The following SNX31 variants were observed in gnomAD, a reference collection of about 807,000 sequenced individuals.
SNX31 encodes sorting nexin 31.
In SNX31, 58 loss-of-function variants were observed where a neutral mutation model predicts 65.4. That is an observed-to-expected ratio of 0.89 (90% CI 0.72 to 1.10). The LOEUF (loss-of-function observed/expected upper bound fraction) is 1.10, where lower values mean the gene tolerates loss of function less well. Ranked by LOEUF, SNX31 falls within the 50% of genes least tolerant of loss-of-function variation. The probability of loss-of-function intolerance (pLI) is 0.00; values close to 1 mark genes in which losing one functional copy is unlikely to be tolerated. For synonymous variants in SNX31, 181 were observed against 190.1 expected, an observed-to-expected ratio of 0.95 and a Z score of 0.39; for missense variants, 523 against 529.7, an observed-to-expected ratio of 0.99 and a Z score of 0.12.
chr8:100,652,935 G>A (rs1820000047), upstream of SNX31, among the ~76,000 whole-genome samples: 1 of 152,188 alleles, frequency 6.6e-6, no homozygotes, highest in African/African-American at 2.4e-5. Context: ...AACAGTCAAG[G>A]CTGTGGCCAT....
At position 100,635,879 on chromosome 8, in the gene SNX31, A is replaced by T; in HGVS notation, c.256+18T>A. 6.3e-7 allele frequency: 1 copy of T among 1,575,570 alleles called. No homozygotes were observed. The highest frequency in any genetic ancestry group is 8.7e-7 in the Non-Finnish European group (1 of 1,146,122). On this transcript the variant is annotated intron_variant, in intron 3 of 13. Transcript: ENST00000311812. ...ATTGCAATAAATCTGTTTTTTAAAA[A>T]ACCCTGCAAATACATACCATTTTGC...
At chr8:100,633,450 C>A (rs912145554) in intron 3 of SNX31, among the ~76,000 whole-genome samples, 3 of 152,072 alleles carry the variant, frequency 2.0e-5, no homozygotes, top group Non-Finnish European at 4.4e-5. Context: ...ACTGCCCAGG[C>A]TGGAGTGCAA....
chr8:100,641,595 T>TACAC (rs1554587422), intron 2 of SNX31, among the ~76,000 whole-genome samples: 34 of 22,056 alleles, frequency 1.5e-3, no homozygotes, highest in African/African-American at 0.011. Context: ...TATATATATA[T>TACAC]ACACATACAC....
chr8:100,621,100 C>T (rs919743872), intron 4 of SNX31, among the ~76,000 whole-genome samples: 5 of 152,078 alleles, frequency 3.3e-5, no homozygotes, highest in Non-Finnish European at 5.9e-5. Context: ...GCTGAGATTG[C>T]ACCACTGCAC....
At chr8:100,585,109 T>C (rs1813923082) in intron 11 of SNX31, among the ~76,000 whole-genome samples, 1 of 152,212 alleles carries the variant, frequency 6.6e-6, no homozygotes, top group Non-Finnish European at 1.5e-5. Flanking sequence ...AAATCATCAT[T>C]AGTGCCAAGA....
Position 100,613,581 on chromosome 8 carries a change from C to T in SNX31, c.433-496G>A, listed in dbSNP as rs1267979228. ...TACTGCCCACCTTTGACACGCCAGGCCTGCTTCGCCTTGATGTTTCCTGCG... is the reference window on the plus strand; with the variant it reads ...TACTGCCCACCTTTGACACGCCAGGTCTGCTTCGCCTTGATGTTTCCTGCG... On this transcript the variant is annotated intron_variant, in intron 5 of 13. Coordinates refer to ENST00000311812, the MANE Select transcript of SNX31 (RefSeq NM_152628.4). The surrounding 1 kb of genome is among the most constrained non-coding windows in gnomAD (Gnocchi z 5.2). Among the ~76,000 whole-genome samples, 1 of 152,190 alleles carries T rather than the reference C, an allele frequency of 6.6e-6. No homozygotes were observed. Among genetic ancestry groups the T allele is most frequent in the East Asian group, 1.9e-4 (1 of 5,196 alleles).
rs948408715 is a variant in SNX31 at position 100,588,726 on chromosome 8, T to C, written c.1092+140A>G. ...ACAAAACATAAAACAAAATAAAAGG[T>C]ATTACGGTCCCGAACGAGAGTGCAT... On this transcript the variant is annotated intron_variant, in intron 11 of 13. Transcript: ENST00000311812. This position sits in a 1 kb window ranked among gnomAD's most constrained non-coding sequence, Gnocchi z 4.8. 2.2e-5 allele frequency: 11 copies of C among 495,442 alleles called. No individual in the cohort carries two copies. The highest frequency in any genetic ancestry group is 2.0e-4 in the African/African-American group (10 of 50,466). 30.7% of individuals were successfully genotyped at this position (495,442 alleles called of 1,614,324 possible).
rs35312071 is a variant in SNX31, at chr8:100,612,484, C to CA, written c.524-398dup. Among the ~76,000 whole-genome samples, 110 of 145,576 alleles carry CA rather than the reference C, an allele frequency of 7.6e-4. 1 individual carries two copies. The highest frequency in any genetic ancestry group is 4.8e-3 in the East Asian group (23 of 4,820). ...CTTTAATATAACTGATACCATTTTA[C>CA]AAAAAAAAAAAACTTGTAATATCTA... On this transcript the variant is annotated intron_variant, in intron 6 of 13. Coordinates refer to ENST00000311812, the MANE Select transcript of SNX31 (RefSeq NM_152628.4). The surrounding 1 kb of genome is among the most constrained non-coding windows in gnomAD (Gnocchi z 4.3).
In SNX31 at chr8:100,659,353, CAAAAAAAAAA is replaced by C. The variant is rs148671568; in HGVS notation, c.-58+3779_-58+3788del. On this transcript the variant is annotated intron_variant, in intron 1 of 5. Coordinates refer to the SNX31 transcript ENST00000520352. The stretch of plus-strand genomic sequence containing the variant: ...TGGGCGACAGAGCAAAACTCCATCA[CAAAAAAAAAA>C]AAAAAAAAAAAAAAGCGTGGGGGGA... Among the ~76,000 whole-genome samples, 387 of 71,470 alleles carry C rather than the reference CAAAAAAAAAA, an allele frequency of 5.4e-3. 7 individuals carry two copies. The East Asian group carries it at 0.11, about 21-fold the overall frequency. 46.9% of individuals were successfully genotyped at this position (71,470 alleles called of 152,430 possible).
intron 2 of SNX31, among the ~76,000 whole-genome samples, chr8:100,641,565 A>AAATAT (rs1554587369): frequency 2.8e-4 from 9 of 32,108 alleles, no homozygotes; most frequent in Admixed American, 4.8e-4. Flanking sequence ...AAAAAAAAAA[A>AAATAT]ATATATATAT....
intron 2 of SNX31, among the ~76,000 whole-genome samples, chr8:100,644,751 G>T (rs1036873978): frequency 6.6e-6 from 1 of 152,232 alleles, no homozygotes; most frequent in Non-Finnish European, 1.5e-5. Flanking sequence ...TGCAATCTGT[G>T]CCTCCTGGGT....
intron 4 of SNX31, among the ~76,000 whole-genome samples, chr8:100,628,867 T>C (rs1378824017): frequency 1.3e-5 from 2 of 151,180 alleles, no homozygotes; most frequent in South Asian, 2.1e-4. Flanking sequence ...TACCCCTTAA[T>C]GACATTTTGG....
intron 3 of SNX31, among the ~76,000 whole-genome samples, chr8:100,631,309 G>T (rs1486935391): frequency 1.3e-5 from 2 of 152,120 alleles, no homozygotes; most frequent in Non-Finnish European, 2.9e-5. Flanking sequence ...GTATGGCCCA[G>T]CCTGGTTCCT....
intron 8 of SNX31, among the ~76,000 whole-genome samples, chr8:100,607,878 G>A (rs1816318636): frequency 6.6e-6 from 1 of 152,194 alleles, no homozygotes; most frequent in Non-Finnish European, 1.5e-5. Context: ...ATCATTACAG[G>A]AGCATGGGTT....
Position 100,604,875 on chromosome 8 carries a change from T to C in SNX31, c.681+3619A>G, listed in dbSNP as rs1815993766. 6.6e-6 allele frequency among the ~76,000 whole-genome samples: 1 copy of C among 152,174 alleles called. No homozygotes were observed. The highest frequency in any genetic ancestry group is 1.5e-5 in the Non-Finnish European group (1 of 68,032). ...CTCAAGAGCTTTTCATGTTAACTTT[T>C]TTAAAGAATGACTGCTTCTTAGTCT... is the stretch of plus-strand genomic sequence containing the variant. On this transcript the variant is annotated intron_variant, in intron 8 of 13. Transcript: ENST00000311812. This position sits in a 1 kb window ranked among gnomAD's most constrained non-coding sequence, Gnocchi z 4.3.
chr8:100,663,583 AT>A (rs1248000621), upstream of SNX31, among the ~76,000 whole-genome samples: 1 of 152,124 alleles, frequency 6.6e-6, no homozygotes, highest in Non-Finnish European at 1.5e-5. Flanking sequence ...TATAAAGAAG[AT>A]TTTGTTTCTT....
chr8:100,611,042 C>T (rs773287093), intron 7 of SNX31, among the ~76,000 whole-genome samples: 2 of 152,126 alleles, frequency 1.3e-5, no homozygotes, highest in Non-Finnish European at 2.9e-5. Context: ...ATATTTTGTT[C>T]TCCACAGGCT....
intron 5 of SNX31, among the ~76,000 whole-genome samples, chr8:100,617,337 C>G (rs1371400452): frequency 6.6e-6 from 1 of 152,314 alleles, no homozygotes; most frequent in Non-Finnish European, 1.5e-5. Flanking sequence ...TTCCAGGCCA[C>G]ATCCCTGGCT....
At chr8:100,636,038 G>A in intron 2 of SNX31, 27 bp from the exon 3 acceptor site, 1 of 1,570,710 alleles carries the variant, frequency 6.4e-7, no homozygotes. Flanking sequence ...ACACAGTTAA[G>A]GCAGGTGAGC....
Sources: gnomAD v4.1 joint callset for allele counts (sites outside exome capture counted in the v4.1 genomes callset) on GRCh38, gnomAD v4.1.1 for gene constraint, Gnocchi (gnomAD v3.1) non-coding constraint, MANE v1.5 for transcripts, NCBI Gene and HGNC (gene_info 2026-07-23, HGNC 2026-07-21) for gene names.